STON1: variants seen among roughly 807,000 people sequenced by gnomAD.
The protein encoded by STON1 is stonin-1.
STON1 carries 79 observed loss-of-function variants against 60.9 expected under a neutral mutation model. The observed-to-expected ratio is 1.30, with a 90% CI of 1.08 to 1.56. The LOEUF is 1.56. Ranked by LOEUF, STON1 falls within the 40% of genes most tolerant of loss-of-function variation. The probability of loss-of-function intolerance (pLI) is 0.00; values close to 1 mark genes in which losing one functional copy is unlikely to be tolerated. For missense variants in STON1, 1,166 were observed against 858.9 expected (o/e 1.36, Z -4.47); for synonymous variants, 363 against 306.9 (o/e 1.18, Z -1.91).
At chr2:48,585,546 G>A (rs148622451) in intron 2 of STON1, among the ~76,000 whole-genome samples, 18 of 152,244 alleles carry the variant, frequency 1.2e-4, no homozygotes, top group African/African-American at 4.3e-4. Flanking sequence ...ACCGTGCCTG[G>A]CCCCTGCTTT....
At chr2:48,550,412 G>C (rs561603281) in intron 1 of STON1, among the ~76,000 whole-genome samples, 1 of 151,208 alleles carries the variant, frequency 6.6e-6, no homozygotes, top group East Asian at 1.9e-4. Flanking sequence ...CAGGAGAATT[G>C]CTTGAACCTA....
chr2:48,580,592 AC>A lies in STON1; in HGVS notation c.-40del. ...TTATTTTATTTTTTTAACAGAGTCA[AC>A]CTATTTGATTTCTTGACAAGACCAC... On this transcript the variant is annotated 5_prime_UTR_variant, in exon 2 of 4. Transcript: ENST00000404752. 1 of 1,322,160 alleles carries A rather than the reference AC, an allele frequency of 7.6e-7. No individual in the cohort carries two copies. The highest frequency in any genetic ancestry group is 9.7e-7 in the Non-Finnish European group (1 of 1,027,490). 81.9% of individuals were successfully genotyped at this position (1,322,160 alleles called of 1,614,324 possible).
intron 2 of STON1, among the ~76,000 whole-genome samples, chr2:48,585,308 T>G (rs866454866): frequency 6.6e-6 from 1 of 151,966 alleles, no homozygotes; most frequent in Non-Finnish European, 1.5e-5. Flanking sequence ...AGTGCAGTGG[T>G]GCAATCTTGG....
At chr2:48,587,229 C>A (rs1237704191) in intron 2 of STON1, among the ~76,000 whole-genome samples, 2 of 152,226 alleles carry the variant, frequency 1.3e-5, no homozygotes, top group African/African-American at 4.8e-5. Flanking sequence ...GATCATTCCT[C>A]CCTGCTCTGC....
chr2:48,594,003 G>C (rs1674667547), intron 3 of STON1, among the ~76,000 whole-genome samples: 1 of 152,174 alleles, frequency 6.6e-6, no homozygotes, highest in Admixed American at 6.6e-5. Flanking sequence ...AGGCCCCTTT[G>C]CATCAACTTG....
chr2:48,538,009 G>A (rs866332519), intron 1 of STON1, among the ~76,000 whole-genome samples: 32 of 151,196 alleles, frequency 2.1e-4, no homozygotes, highest in African/African-American at 6.3e-4. Flanking sequence ...GCTAGAGTGC[G>A]GTGGCATGAT....
Position 48,564,481 on chromosome 2 carries a change from T to C in STON1, c.-47-16106T>C, listed in dbSNP as rs1672786410. 1.9e-4 allele frequency among the ~76,000 whole-genome samples: 5 copies of C among 25,698 alleles called. 1 individual carries two copies. The highest frequency in any genetic ancestry group is 3.2e-4 in the Non-Finnish European group (4 of 12,364). The allele number at this position is 25,698 out of a possible 152,430, so 16.9% of individuals were successfully genotyped here. ...TTCTTCTTCTTCTTCTTCTTCTTCT[T>C]TCTTCTTCTTCTTCTTCTTCTTCTT... On this transcript the variant is annotated intron_variant, in intron 1 of 3. Coordinates refer to ENST00000404752, the MANE Select transcript of STON1 (RefSeq NM_006873.4).
intron 1 of STON1, among the ~76,000 whole-genome samples, chr2:48,562,820 TGG>T (rs1253372051): frequency 6.6e-6 from 1 of 152,202 alleles, no homozygotes; most frequent in Non-Finnish European, 1.5e-5. Context: ...GACAGATGGC[TGG>T]TTGAGACCAT....
At chr2:48,565,761 C>G (rs1170955905) in intron 1 of STON1, among the ~76,000 whole-genome samples, 1 of 152,134 alleles carries the variant, frequency 6.6e-6, no homozygotes. Context: ...GGAAAACTAA[C>G]ATATATCGAG....
chr2:48,593,076 A>G (rs1674615888), intron 3 of STON1, among the ~76,000 whole-genome samples: 1 of 152,150 alleles, frequency 6.6e-6, no homozygotes, highest in Non-Finnish European at 1.5e-5. Flanking sequence ...TATTTCCCAC[A>G]GTATCTTGAA....
Position 48,595,581 on chromosome 2 carries a change from A to C in STON1, c.*279A>C, listed in dbSNP as rs1572656920. 1 of 379,276 alleles carries C rather than the reference A, an allele frequency of 2.6e-6. No homozygotes were observed. 23.5% of individuals were successfully genotyped at this position (379,276 alleles called of 1,614,324 possible). A position where few individuals can be genotyped will look rare whatever the true frequency, so the allele number is the denominator to read the frequency against. On this transcript the variant is annotated 3_prime_UTR_variant, in exon 4 of 4. Coordinates refer to ENST00000404752, the MANE Select transcript of STON1 (RefSeq NM_006873.4). ...CAAAGGCACTGTTACTCGTTGTGTG[A>C]CCCCGCAGCCAGTATGATTTTTGAT...
intron 1 of STON1, among the ~76,000 whole-genome samples, chr2:48,533,314 G>A (rs10187962): frequency 0.011 from 1,623 of 151,754 alleles, 33 homozygotes; most frequent in African/African-American, 0.037. Context: ...CCTGGGAGGC[G>A]GAGGTTGCAG....
chr2:48,585,249 T>C (rs13007571), intron 2 of STON1, among the ~76,000 whole-genome samples: 2 of 69,124 alleles, frequency 2.9e-5, no homozygotes, highest in Admixed American at 1.4e-4. Flanking sequence ...TCCTGCTTTC[T>C]TTTTTTTTCT....
At chr2:48,584,692 GT>G (rs1191620205) in intron 2 of STON1, among the ~76,000 whole-genome samples, 3 of 152,182 alleles carry the variant, frequency 2.0e-5, no homozygotes, top group Admixed American at 2.0e-4. Context: ...CAGATTCCAA[GT>G]ATTTTAAGAT....
chr2:48,566,216 C>T (rs1213381171), intron 1 of STON1, among the ~76,000 whole-genome samples: 1 of 152,162 alleles, frequency 6.6e-6, no homozygotes, highest in Non-Finnish European at 1.5e-5. Flanking sequence ...CACTCTGTCA[C>T]CCAGGCTGGA....
At chr2:48,565,409 A>G (rs1312109844) in intron 1 of STON1, among the ~76,000 whole-genome samples, 1 of 151,760 alleles carries the variant, frequency 6.6e-6, no homozygotes, top group African/African-American at 2.4e-5. Flanking sequence ...TCATGACCTC[A>G]TTACCTTCTA....
At chr2:48,558,994 C>A (rs1672500550) in intron 1 of STON1, among the ~76,000 whole-genome samples, 1 of 152,134 alleles carries the variant, frequency 6.6e-6, no homozygotes, top group South Asian at 2.1e-4. Flanking sequence ...AAAGGAAATA[C>A]TCATTGGAGC....
Position 48,554,244 on chromosome 2 carries a change from C to T in STON1, c.-48+24028C>T, listed in dbSNP as rs115050562. ...TTTATTTGTTTATTTGTTTTTGAGA[C>T]AGAGTCTCTCTTTGTCGCCCGAGCT... On this transcript the variant is annotated intron_variant, in intron 1 of 3. Coordinates refer to ENST00000404752, the MANE Select transcript of STON1 (RefSeq NM_006873.4). Among the ~76,000 whole-genome samples the T allele has an allele frequency of 3.3e-3, 496 of 152,218 alleles. 2 individuals are homozygous for T. Among genetic ancestry groups the T allele is most frequent in the African/African-American group, 0.011 (472 of 41,514 alleles).
intron 1 of STON1, among the ~76,000 whole-genome samples, chr2:48,577,479 G>C (rs2103897027): frequency 6.6e-6 from 1 of 151,918 alleles, no homozygotes; most frequent in East Asian, 2.0e-4. Context: ...TACTCAGGAG[G>C]CTGAGGCAGG....
Sources: gnomAD v4.1 joint callset for allele counts (sites outside exome capture counted in the v4.1 genomes callset) on GRCh38, gnomAD v4.1.1 for gene constraint, MANE v1.5 for transcripts, NCBI Gene and HGNC (gene_info 2026-07-23, HGNC 2026-07-21) for gene names.